The following COL27A1 variants were observed in gnomAD, a reference collection of about 807,000 sequenced individuals.
COL27A1 encodes the protein collagen type XXVII alpha 1 chain.
COL27A1 carries 106 observed loss-of-function variants against 251.3 expected under a neutral mutation model. The observed-to-expected ratio is 0.42, with a 90% CI of 0.36 to 0.50. The LOEUF is 0.50. Among genes scored for constraint, COL27A1 ranks in the 20% least tolerant of loss-of-function variants. The probability of loss-of-function intolerance (pLI) is 0.00; values close to 1 mark genes in which losing one functional copy is unlikely to be tolerated. For missense variants in COL27A1, 2,325 were observed against 2,522.8 expected (o/e 0.92, Z 1.68); for synonymous variants, 1,000 against 986.3 (o/e 1.01, Z -0.26).
intron 27 of COL27A1, among the ~76,000 whole-genome samples, chr9:114,255,953 T>C (rs981352761): frequency 1.3e-5 from 2 of 152,104 alleles, no homozygotes; most frequent in East Asian, 1.9e-4. Flanking sequence ...ACCTGGAGTA[T>C]GAGATTGTCA....
intron 5 of COL27A1, among the ~76,000 whole-genome samples, chr9:114,186,764 C>T (rs192860873): frequency 2.6e-4 from 39 of 152,324 alleles, no homozygotes; most frequent in Admixed American, 3.9e-4. Context: ...GGTCTGCAAA[C>T]GCCATTTAGG....
In COL27A1 at chr9:114,178,292, G is replaced by A; in HGVS notation, c.1910G>A (p.Gly637Asp). 6.2e-7 allele frequency: 1 copy of A among 1,613,918 alleles called. No homozygotes were observed. Among genetic ancestry groups the A allele is most frequent in the Non-Finnish European group, 8.5e-7 (1 of 1,179,860 alleles). Residue 637 changes from glycine to aspartate, a missense_variant and splice_region_variant, in exon 4 of 61, where the codon GGT becomes GAT. By Grantham distance (94) the Gly-to-Asp change is moderately conservative. Around this residue, in one of 4 missense-constraint regions of COL27A1, gnomAD observed 1,183 missense variants for 1,144.1 expected, o/e 1.03. Coordinates refer to ENST00000356083, the MANE Select transcript of COL27A1 (RefSeq NM_032888.4). ...PGPKGDCGLPGPPGLPGLPGI... is the reference protein window; with the variant it reads ...PGPKGDCGLPDPPGLPGLPGI... ...GCTGTCTTCTTGTTTTCTCCTCAGGGTCCCCCTGGGCTACCTGGGCTACCT... is the reference window on the plus strand; with the variant it reads ...GCTGTCTTCTTGTTTTCTCCTCAGGATCCCCCTGGGCTACCTGGGCTACCT...
intron 45 of COL27A1, among the ~76,000 whole-genome samples, 197 bp from the exon 46 acceptor site, chr9:114,289,861 G>A (rs1005605413): frequency 6.6e-6 from 1 of 152,208 alleles, no homozygotes; most frequent in African/African-American, 2.4e-5. Flanking sequence ...CCAAGGCCCA[G>A]AGCAGGCTCA....
chr9:114,207,379 T>A (rs541762871), intron 10 of COL27A1, among the ~76,000 whole-genome samples: 1 of 152,174 alleles, frequency 6.6e-6, no homozygotes, highest in East Asian at 1.9e-4. Flanking sequence ...CCCAGGGTGC[T>A]GTGCCTCTCT....
chr9:114,236,747 C>A (rs2135458569), intron 17 of COL27A1, among the ~76,000 whole-genome samples: 1 of 152,336 alleles, frequency 6.6e-6, no homozygotes, highest in African/African-American at 2.4e-5. Context: ...CCTGATTCTT[C>A]CTGGTGAGGA....
At position 114,292,182 on chromosome 9, in the gene COL27A1, AG is replaced by A. The variant is rs1564578862; in HGVS notation, c.4561del (p.Glu1521SerfsTer46). On this transcript the variant is annotated frameshift_variant, in exon 49 of 61. Transcript: ENST00000356083. LOFTEE classifies it high-confidence loss of function. ...GGCAGAACGGGGCTCCCTGGAAACC[AG>A]GGGGAGCCTGGGTCCAAAGGCCAGC... Reference protein sequence around the residue: ...TEGRTGLPGNQGEPGSKGQPG... With the variant: ...TEGRTGLPGNXGEPGSKGQPG... 2 of 1,557,496 alleles carry A rather than the reference AG, an allele frequency of 1.3e-6. No homozygotes were observed. Among genetic ancestry groups the A allele is most frequent in the Admixed American group, 1.9e-5 (1 of 51,676 alleles).
rs1829292892 is a variant in COL27A1, at chr9:114,309,386, G to A, written c.5344G>A (p.Ala1782Thr). Reference protein sequence around the residue: ...VWQEGTGQTPAKQAVRFRAWN... With the variant: ...VWQEGTGQTPTKQAVRFRAWN... ...GCAGGAGGGCACTGGGCAGACCCCA[G>A]CCAAGCAGGCCGTACGCTTCCGGGC... The change falls in exon 60 of 61, where the codon GCC becomes ACC. Residue 1782 changes from alanine to threonine, a missense_variant. This residue lies in a region of COL27A1 where 327 missense variants were observed against 442.8 expected (regional missense o/e 0.74). Transcript: ENST00000356083. The A allele has an allele frequency of 1.9e-6, 3 of 1,614,002 alleles. No homozygotes were observed. Among genetic ancestry groups the A allele is most frequent in the Non-Finnish European group, 2.5e-6 (3 of 1,180,036 alleles).
chr9:114,197,439 C>G (rs1002963850), intron 7 of COL27A1, among the ~76,000 whole-genome samples: 2 of 152,222 alleles, frequency 1.3e-5, no homozygotes, highest in Non-Finnish European at 2.9e-5. Context: ...TCACAGAACA[C>G]AGAGGGACTT....
intron 3 of COL27A1, 98 bp downstream of exon 3, chr9:114,169,561 G>C: frequency 1.0e-6 from 1 of 1,000,264 alleles, no homozygotes; most frequent in East Asian, 2.4e-5. Flanking sequence ...AAAAGGAGCA[G>C]CTTAGAGCAG....
At chr9:114,289,354 C>T in intron 45 of COL27A1, 59 bp downstream of exon 45, 1 of 1,471,752 alleles carries the variant, frequency 6.8e-7, no homozygotes, top group South Asian at 1.3e-5. Flanking sequence ...AAGCCTGACC[C>T]ACAGTCACAC....
At position 114,304,658 on chromosome 9, in the gene COL27A1, A is replaced by G. The variant is rs781077946; in HGVS notation, c.4923A>G (p.Gly1641=). 1.2e-6 allele frequency: 2 copies of G among 1,614,128 alleles called. No individual in the cohort carries two copies. The highest frequency in any genetic ancestry group is 8.5e-7 in the Non-Finnish European group (1 of 1,180,000). The stretch of plus-strand genomic sequence containing the variant: ...TCCAGACGTGGATGGACACCAGTGG[A>G]GCACTCAGGCCAGAGGTATCTCCAG... ...AAFQTWMDTS[G]ALRPESYSYP... is the part of the protein sequence containing the mutation. The change falls in exon 57 of 61, where the codon GGA becomes GGG. Residue 1641 remains glycine, a synonymous_variant. Transcript: ENST00000356083.
intron 49 of COL27A1, among the ~76,000 whole-genome samples, chr9:114,296,206 G>T (rs1417726423): frequency 6.6e-6 from 1 of 152,148 alleles, no homozygotes; most frequent in Non-Finnish European, 1.5e-5. Context: ...TGATAAATCA[G>T]ACTTCATCAA....
chr9:114,160,185 C>T (rs1283247114), intron 1 of COL27A1, among the ~76,000 whole-genome samples: 8 of 149,956 alleles, frequency 5.3e-5, no homozygotes, highest in East Asian at 2.0e-4. Context: ...GGCAGAGTCT[C>T]GCTCTGTCGC....
chr9:114,256,519 A>G (rs1054737170), intron 27 of COL27A1, among the ~76,000 whole-genome samples: 3 of 152,080 alleles, frequency 2.0e-5, no homozygotes, highest in Non-Finnish European at 2.9e-5. Context: ...TATCCCCATT[A>G]TTGGGGGTGG....
chr9:114,297,972 A>T (rs750537611), intron 49 of COL27A1, among the ~76,000 whole-genome samples: 1 of 152,164 alleles, frequency 6.6e-6, no homozygotes, highest in Non-Finnish European at 1.5e-5. Context: ...TTATAATAGC[A>T]TCAAAGAGAA....
Position 114,306,505 on chromosome 9 carries a change from C to A in COL27A1, c.4939-15C>A. The A allele has an allele frequency of 6.2e-7, 1 of 1,613,402 alleles. No individual in the cohort carries two copies. The highest frequency in any genetic ancestry group is 8.5e-7 in the Non-Finnish European group (1 of 1,179,772). On this transcript the variant is annotated splice_polypyrimidine_tract_variant and intron_variant, in intron 57 of 60. Coordinates refer to ENST00000356083, the MANE Select transcript of COL27A1 (RefSeq NM_032888.4). ...GGACCCTAAGGTCCCAATGACCACC[C>A]TCTCCTCGTGACAGAGTTACAGCTA...
chr9:114,307,049 C>T (rs1293687034), intron 58 of COL27A1: 1 of 239,036 alleles, frequency 4.2e-6, no homozygotes, highest in Non-Finnish European at 8.2e-6. Context: ...CTGTGAAGGA[C>T]AAGCTGCGGA....
At chr9:114,230,627 G>C (rs1039203391) in intron 14 of COL27A1, among the ~76,000 whole-genome samples, 29 of 152,250 alleles carry the variant, frequency 1.9e-4, no homozygotes, top group Admixed American at 1.3e-4. Flanking sequence ...TCCTCAGAGA[G>C]AGCCAAGCCT....
intron 11 of COL27A1, 84 bp from the exon 12 acceptor site, chr9:114,210,898 G>T: frequency 7.2e-7 from 1 of 1,396,018 alleles, no homozygotes. Flanking sequence ...TTCCTGCCGT[G>T]GGTGGCTCTG....
Sources: allele counts gnomAD v4.1 joint callset (sites outside exome capture counted in the v4.1 genomes callset), GRCh38; gene constraint gnomAD v4.1.1; regional missense constraint gnomAD v4.1.1; transcripts MANE v1.5; gene names NCBI Gene and HGNC (gene_info 2026-07-23, HGNC 2026-07-21).